Variants in C11orf65 observed in about 807,000 individuals in gnomAD.
C11orf65 encodes the protein protein MFI.
Under a neutral mutation model 35.3 loss-of-function variants are expected in C11orf65, and 38 were observed. The observed-to-expected ratio is 1.08, with a 90% confidence interval of 0.83 to 1.41. The LOEUF (loss-of-function observed/expected upper bound fraction) is 1.41. C11orf65 is among the 40% of genes most tolerant of loss of function. The pLI is 0.00. For synonymous variants in C11orf65, 105 were observed against 114.4 expected, an observed-to-expected ratio of 0.92 and a Z score of 0.53; for missense variants, 370 against 367.1, an observed-to-expected ratio of 1.01 and a Z score of -0.06.
chr11:108,402,058 G>A (rs977976577), intron 6 of C11orf65, among the ~76,000 whole-genome samples: 2 of 152,054 alleles, frequency 1.3e-5, no homozygotes, highest in African/African-American at 2.4e-5. Context: ...AACTGTTCTG[G>A]TTTATAAACT....
Position 108,331,904 on chromosome 11 carries a change from A to G in C11orf65, c.300-337T>C, listed in dbSNP as rs2086288728. On this transcript the variant is annotated intron_variant, in intron 3 of 3. Transcript: ENST00000524755. ...CTAATCTCTAGAATTTCAATGGATCACCCCCATCACACTTTGTTTATTATA... is the reference window on the plus strand; with the variant it reads ...CTAATCTCTAGAATTTCAATGGATCGCCCCCATCACACTTTGTTTATTATA... The G allele has an allele frequency of 6.2e-7, 1 of 1,613,748 alleles. No homozygotes were observed. Among genetic ancestry groups the G allele is most frequent in the African/African-American group, 1.3e-5 (1 of 74,904 alleles).
At chr11:108,309,749 G>T (rs2083984523) in intron 6 of C11orf65, among the ~76,000 whole-genome samples, 1 of 152,140 alleles carries the variant, frequency 6.6e-6, no homozygotes, top group African/African-American at 2.4e-5. Context: ...TTGTGTCTTA[G>T]ATGAAACAAT....
chr11:108,447,200 C>T (rs2093275974), intron 2 of C11orf65, among the ~76,000 whole-genome samples: 1 of 152,102 alleles, frequency 6.6e-6, no homozygotes. Context: ...TTTAACACCC[C>T]ACTGTCAACA....
intron 2 of C11orf65, among the ~76,000 whole-genome samples, chr11:108,352,874 T>G (rs550780879): frequency 1.1e-4 from 17 of 152,166 alleles, no homozygotes; most frequent in Admixed American, 1.0e-3. Context: ...ATGACAAAAT[T>G]ATAAAAATGG....
chr11:108,423,800 C>A (rs1004037094), intron 3 of C11orf65, among the ~76,000 whole-genome samples: 2 of 152,162 alleles, frequency 1.3e-5, no homozygotes, highest in Non-Finnish European at 1.5e-5. Context: ...CAGACTCCAG[C>A]AGACCTGCAG....
chr11:108,308,544 G>A, exon 7 of C11orf65: 1 of 187,912 alleles, frequency 5.3e-6, no homozygotes, highest in Non-Finnish European at 1.1e-5. Context: ...AGTGCATACA[G>A]AAATTGCTAG....
At chr11:108,357,037 G>C (rs189099860) in intron 2 of C11orf65, among the ~76,000 whole-genome samples, 149 of 152,324 alleles carry the variant, frequency 9.8e-4, no homozygotes, top group Middle Eastern at 6.8e-3. Context: ...GAGGTACCAG[G>C]TTCATCTCAC....
intron 7 of C11orf65, among the ~76,000 whole-genome samples, chr11:108,391,229 T>C (rs2092152254): frequency 6.6e-6 from 1 of 152,234 alleles, no homozygotes; most frequent in Non-Finnish European, 1.5e-5. Flanking sequence ...AGTATCCACA[T>C]TCTTTATTGT....
intron 2 of C11orf65, among the ~76,000 whole-genome samples, chr11:108,363,958 G>A (rs988789442): frequency 6.6e-6 from 1 of 152,176 alleles, no homozygotes; most frequent in Non-Finnish European, 1.5e-5. Context: ...AACTGGTTTG[G>A]ATCTCTGAAA....
intron 8 of C11orf65, among the ~76,000 whole-genome samples, chr11:108,385,613 C>T (rs939566826): frequency 4.0e-5 from 6 of 151,496 alleles, no homozygotes; most frequent in South Asian, 2.1e-4. Flanking sequence ...ACCTGGGAGG[C>T]GGAGCTTGCA....
intron 3 of C11orf65, among the ~76,000 whole-genome samples, chr11:108,417,647 G>C (rs2092757286): frequency 6.6e-6 from 1 of 152,076 alleles, no homozygotes. Context: ...TGACAGGAAA[G>C]ATGTACCATG....
intron 3 of C11orf65, among the ~76,000 whole-genome samples, chr11:108,418,205 A>T (rs1368692765): frequency 6.6e-6 from 1 of 152,200 alleles, no homozygotes; most frequent in Non-Finnish European, 1.5e-5. Context: ...ACTAGACAAA[A>T]ATATTCAGTA....
intron 6 of C11orf65, among the ~76,000 whole-genome samples, chr11:108,395,060 G>A (rs1273084261): frequency 6.6e-6 from 1 of 151,940 alleles, no homozygotes; most frequent in Non-Finnish European, 1.5e-5. Flanking sequence ...GAGCCCAGAA[G>A]TTCAAGGCTG....
At chr11:108,345,481 G>A (rs185094721) in intron 2 of C11orf65, among the ~76,000 whole-genome samples, 52 of 152,220 alleles carry the variant, frequency 3.4e-4, no homozygotes, top group Admixed American at 2.2e-3. Context: ...AAGAGTACAG[G>A]ATTATTCAAA....
chr11:108,460,436 A>C (rs1432164011), intron 2 of C11orf65, among the ~76,000 whole-genome samples: 1 of 152,184 alleles, frequency 6.6e-6, no homozygotes, highest in African/African-American at 2.4e-5. Context: ...ATAAAAGCAC[A>C]AGTGACCACG....
chr11:108,405,707 T>A, intron 5 of C11orf65, 148 bp from the exon 6 acceptor site: 1 of 806,080 alleles, frequency 1.2e-6, no homozygotes, highest in Non-Finnish European at 2.0e-6. Flanking sequence ...TATTTCTAAT[T>A]AAGTGATGGG....
At chr11:108,379,442 C>A (rs1348292943), downstream of C11orf65, among the ~76,000 whole-genome samples, 1 of 132,988 alleles carries the variant, frequency 7.5e-6, no homozygotes, top group South Asian at 2.3e-4. Context: ...CACATGGACA[C>A]AGGAAGGGGA....
chr11:108,325,087 G>A (rs902580162), intron 6 of C11orf65, among the ~76,000 whole-genome samples: 8 of 152,014 alleles, frequency 5.3e-5, no homozygotes, highest in Non-Finnish European at 1.0e-4. Context: ...TGTCATCTGT[G>A]ACCTCTCTGC....
intron 6 of C11orf65, among the ~76,000 whole-genome samples, chr11:108,309,621 A>G (rs1353015045): frequency 1.3e-5 from 2 of 152,176 alleles, no homozygotes; most frequent in African/African-American, 4.8e-5. Context: ...AAAAGATACT[A>G]TCTATGGTCC....
Sources: allele counts gnomAD v4.1 joint callset (sites outside exome capture counted in the v4.1 genomes callset), GRCh38; gene constraint gnomAD v4.1.1; transcripts MANE v1.5; gene names NCBI Gene and HGNC (gene_info 2026-07-23, HGNC 2026-07-21).